Variants in PI4KA observed in about 807,000 individuals in gnomAD.
PI4KA encodes phosphatidylinositol 4-kinase alpha.
In PI4KA, 122 loss-of-function variants were observed where a neutral mutation model predicts 271.4. That is an observed-to-expected ratio of 0.45 (90% confidence interval 0.39 to 0.52). The LOEUF (loss-of-function observed/expected upper bound fraction) is 0.52. PI4KA is among the 20% of genes least tolerant of loss of function. The pLI, the probability that PI4KA is intolerant of heterozygous loss-of-function variation, is 0.00. For synonymous variants in PI4KA, 1,041 were observed against 1,078.8 expected (o/e 0.96, Z 0.69); for missense variants, 1,969 against 2,769.1 (o/e 0.71, Z 6.48).
At chr22:20,816,623 C>A (rs142301541) in intron 7 of PI4KA, among the ~76,000 whole-genome samples, 2 of 152,064 alleles carry the variant, frequency 1.3e-5, no homozygotes, top group African/African-American at 2.4e-5. Flanking sequence ...CAGAGCAGGA[C>A]CCCAACTCAA....
chr22:20,793,308 C>T (rs1399245713), intron 18 of PI4KA, 65 bp from the exon 19 acceptor site: 2 of 843,618 alleles, frequency 2.4e-6, no homozygotes, highest in East Asian at 5.0e-5. Flanking sequence ...AAAAAAAACA[C>T]AAGATACAAC....
Position 20,729,901 on chromosome 22 carries a change from T to C in PI4KA, c.4399A>G (p.Lys1467Glu). Residue 1467 changes from lysine (K) to glutamate (E), a missense_variant, in exon 37 of 55, where the codon AAG becomes GAG. Physicochemically the swap from Lys to Glu is moderately conservative, Grantham distance 56 (BLOSUM62 1). Coordinates refer to ENST00000255882, the MANE Select transcript of PI4KA (RefSeq NM_058004.4). ...PLSSGMSTIS[K>E]KSGMSKKTNR... ...CACACCTCCCACCGACCTGATTTCT[T>C]GGAGATGGTGGACATGCCGCTGGAC... 1 of 1,614,182 alleles carries C rather than the reference T, an allele frequency of 6.2e-7. No homozygotes were observed. The highest frequency in any genetic ancestry group is 8.5e-7 in the Non-Finnish European group (1 of 1,180,022).
chr22:20,768,318 C>T (rs190903896), intron 19 of PI4KA, among the ~76,000 whole-genome samples: 108 of 152,210 alleles, frequency 7.1e-4, no homozygotes, highest in African/African-American at 2.3e-3. Flanking sequence ...GAGATCCTCC[C>T]GTGTTGGCCT....
In PI4KA at chr22:20,744,612, A is replaced by G. The variant is rs776031970; in HGVS notation, c.3456+16T>C. The G allele has an allele frequency of 8.7e-6, 14 of 1,603,480 alleles. No homozygotes were observed. Among genetic ancestry groups the G allele is most frequent in the Non-Finnish European group, 1.2e-5 (14 of 1,170,346 alleles). On this transcript the variant is annotated intron_variant, in intron 30 of 54. Coordinates refer to ENST00000255882, the MANE Select transcript of PI4KA (RefSeq NM_058004.4). The stretch of plus-strand genomic sequence containing the variant: ...GACACGTTAAAGGCCCTAGGGCGCA[A>G]GGACAAGAGAAGCACCTCGCCCGCG...
intron 41 of PI4KA, among the ~76,000 whole-genome samples, 179 bp downstream of exon 41, chr22:20,727,051 A>G (rs1475600928): frequency 6.6e-6 from 1 of 152,184 alleles, no homozygotes; most frequent in Non-Finnish European, 1.5e-5. Context: ...ATGTAACTAG[A>G]GAACACATTT....
At chr22:20,762,933 C>T (rs1403508922) in intron 22 of PI4KA, among the ~76,000 whole-genome samples, 1 of 148,620 alleles carries the variant, frequency 6.7e-6, no homozygotes, top group Non-Finnish European at 1.5e-5. Context: ...TAGGCTTAAG[C>T]AACCCCCTTG....
rs1034849389 is a variant in PI4KA, at chr22:20,750,131, A to G, written c.3154-137T>C. 4.7e-6 allele frequency: 3 copies of G among 639,018 alleles called. No individual in the cohort carries two copies. In the Admixed American group the frequency reaches 7.2e-5, roughly 15 times the overall value. 39.6% of individuals were successfully genotyped at this position (639,018 alleles called of 1,614,324 possible). On this transcript the variant is annotated intron_variant, in intron 27 of 54. Coordinates refer to ENST00000255882, the MANE Select transcript of PI4KA (RefSeq NM_058004.4). Reference sequence around the variant, plus strand: ...ACTGGTACCAGTACCTCAGAGTGGAACTCATTTGGAGATAGGGCTTTAAAG... The same window carrying G: ...ACTGGTACCAGTACCTCAGAGTGGAGCTCATTTGGAGATAGGGCTTTAAAG...
chr22:20,807,295 A>T (rs543843290), intron 10 of PI4KA, 67 bp downstream of exon 10: 1 of 951,200 alleles, frequency 1.1e-6, no homozygotes, highest in African/African-American at 1.6e-5. Flanking sequence ...TGCAACCACT[A>T]GCATGCGACA....
chr22:20,814,003 T>C (rs929666649), intron 7 of PI4KA, among the ~76,000 whole-genome samples: 1 of 152,196 alleles, frequency 6.6e-6, no homozygotes, highest in East Asian at 1.9e-4. Flanking sequence ...TTCGCCATGT[T>C]GGCCAGGCTA....
At chr22:20,760,040 G>A (rs1931798293) in intron 23 of PI4KA, among the ~76,000 whole-genome samples, 1 of 152,138 alleles carries the variant, frequency 6.6e-6, no homozygotes, top group Non-Finnish European at 1.5e-5. Context: ...AGAAGTATCG[G>A]AAATAATTTC....
intron 7 of PI4KA, among the ~76,000 whole-genome samples, chr22:20,818,073 C>T (rs1048940143): frequency 1.4e-5 from 2 of 139,562 alleles, no homozygotes; most frequent in Non-Finnish European, 3.2e-5. Context: ...TGCAGTGAGC[C>T]GAGACTACAC....
chr22:20,771,336 T>C (rs935378442), intron 19 of PI4KA, among the ~76,000 whole-genome samples: 1 of 150,370 alleles, frequency 6.7e-6, no homozygotes, highest in Admixed American at 6.6e-5. Flanking sequence ...GGCAGGAGAA[T>C]GGCGTGAACC....
chr22:20,760,914 C>T (rs1270292699), intron 23 of PI4KA, among the ~76,000 whole-genome samples: 2 of 152,192 alleles, frequency 1.3e-5, no homozygotes, highest in Non-Finnish European at 2.9e-5. Context: ...TCCTCCCACT[C>T]AGCCTCCCAA....
intron 42 of PI4KA, among the ~76,000 whole-genome samples, chr22:20,723,699 T>C (rs1927014408): frequency 6.6e-6 from 1 of 151,910 alleles, no homozygotes; most frequent in African/African-American, 2.4e-5. Context: ...GGCGTGGTGG[T>C]ACACGCTTGT....
rs144233180 is a variant in PI4KA, at chr22:20,796,742, C to A, written c.2109-428G>T. ...TCATTTACCACCCACAGAACTTTCA[C>A]CTCATGACCAGCTTCTCCCTAACGC... On this transcript the variant is annotated intron_variant, in intron 17 of 54. Coordinates refer to ENST00000255882, the MANE Select transcript of PI4KA (RefSeq NM_058004.4). 1.0e-3 allele frequency among the ~76,000 whole-genome samples: 155 copies of A among 152,378 alleles called. 1 individual carries two copies. The highest frequency in any genetic ancestry group is 1.9e-3 in the Non-Finnish European group (132 of 68,034).
chr22:20,798,403 G>A (rs28420902), intron 17 of PI4KA, 181 bp downstream of exon 17: 3 of 586,848 alleles, frequency 5.1e-6, no homozygotes, highest in Non-Finnish European at 9.2e-6. Flanking sequence ...GAGATGCTCA[G>A]TGGTCACCTC....
chr22:20,804,993 C>T lies in PI4KA; in HGVS notation c.1341G>A (p.Trp447Ter). Residue 447 changes from tryptophan (W) to a stop codon, truncating the protein, a stop_gained, in exon 11 of 55, where the codon TGG becomes TGA. Transcript: ENST00000255882. LOFTEE classifies it high-confidence loss of function. ...TCTCACCCTGCTCGTCCTTCACAGC[C>T]CACACCATGAGGTCCACACAGGCAG... ...ANAACVDLMV[W>*]AVKDEQGAEN... is the part of the protein sequence containing the mutation. 1 of 1,613,522 alleles carries T rather than the reference C, an allele frequency of 6.2e-7. No homozygotes were observed. The highest frequency in any genetic ancestry group is 1.1e-5 in the South Asian group (1 of 90,936).
rs771958016 is a variant in PI4KA at position 20,764,821 on chromosome 22, T to G, written c.2704A>C (p.Met902Leu). ...YLLSVYRLEY[M>L]RVLRSTDPDR... ...TGGTGGTGAAGGCACGTGTACCTCA[T>G]GTACTCCAGCCGGTACACAGAGAGG... Residue 902 changes from methionine (M) to leucine (L), a missense_variant, in exon 22 of 55, where the codon ATG (methionine) becomes CTG (leucine). Met to Leu is a conservative substitution (Grantham distance 15). Around this residue, in one of 13 missense-constraint regions of PI4KA, gnomAD observed 368 missense variants for 544.3 expected, o/e 0.68. Transcript: ENST00000255882. 6.2e-7 allele frequency: 1 copy of G among 1,611,758 alleles called. No individual in the cohort carries two copies. Among genetic ancestry groups the G allele is most frequent in the Non-Finnish European group, 8.5e-7 (1 of 1,178,646 alleles).
chr22:20,767,208 C>T (rs974035218), intron 19 of PI4KA, among the ~76,000 whole-genome samples: 8 of 151,956 alleles, frequency 5.3e-5, no homozygotes, highest in African/African-American at 1.9e-4. Flanking sequence ...TTTGGGAGGC[C>T]GAGGCAGGTG....
Sources: allele counts gnomAD v4.1 joint callset (sites outside exome capture counted in the v4.1 genomes callset), GRCh38; gene constraint gnomAD v4.1.1; regional missense constraint gnomAD v4.1.1; transcripts MANE v1.5; gene names NCBI Gene and HGNC (gene_info 2026-07-23, HGNC 2026-07-21).